Variants in TXNRD3 observed in about 807,000 individuals in gnomAD.
TXNRD3 encodes the protein TXNRD3 neighbor gene protein.
Under a neutral mutation model 78.2 loss-of-function variants are expected in TXNRD3, and 68 were observed. The ratio of observed to expected loss-of-function variants is 0.87; its 90% CI spans 0.72 to 1.06. The LOEUF is 1.06. Ranked by LOEUF, TXNRD3 falls within the 50% of genes least tolerant of loss-of-function variation. The probability of loss-of-function intolerance (pLI) is 0.00; values close to 1 mark genes in which losing one functional copy is unlikely to be tolerated. For missense variants in TXNRD3, 751 were observed against 809.5 expected (o/e 0.93, Z 0.88); for synonymous variants, 296 against 300.1 (o/e 0.99, Z 0.14).
At chr3:126,651,262 A>G (rs1003177041) in intron 1 of TXNRD3, among the ~76,000 whole-genome samples, 1 of 152,212 alleles carries the variant, frequency 6.6e-6, no homozygotes, top group African/African-American at 2.4e-5. Flanking sequence ...ACTTGGCGAA[A>G]GTACGGGAAG....
chr3:126,621,095 C>T (rs1372798252), intron 12 of TXNRD3, among the ~76,000 whole-genome samples: 1 of 152,182 alleles, frequency 6.6e-6, no homozygotes, highest in African/African-American at 2.4e-5. Context: ...TATCTGCCCA[C>T]CTGAAAAGTC....
At chr3:126,625,822 G>A (rs1303406358) in intron 10 of TXNRD3, 4 of 152,186 alleles carry the variant, frequency 2.6e-5, no homozygotes, top group Non-Finnish European at 2.9e-5. Context: ...CCTGTTTCCT[G>A]ACTTTTTAAT....
rs537107963 is a variant in TXNRD3 at position 126,639,720 on chromosome 3, G to C, written c.712+2312C>G. Among the ~76,000 whole-genome samples, 234 of 152,164 alleles carry C rather than the reference G, an allele frequency of 1.5e-3. 3 individuals are homozygous for C. Among genetic ancestry groups the C allele is most frequent in the Non-Finnish European group, 4.4e-4 (30 of 67,994 alleles). On this transcript the variant is annotated intron_variant, in intron 6 of 15. Coordinates refer to ENST00000524230, the MANE Select transcript of TXNRD3 (RefSeq NM_052883.3). ...CGAGTAGCTAGGACTACAGGTGCAT[G>C]CCACCATGCCTGCCTAATTTTTCTA...
At chr3:126,648,524 G>C (rs1933294772) in intron 1 of TXNRD3, among the ~76,000 whole-genome samples, 1 of 152,142 alleles carries the variant, frequency 6.6e-6, no homozygotes, top group South Asian at 2.1e-4. Flanking sequence ...AGACCAGAAA[G>C]GACAGAAATA....
rs1204379150 is a variant in TXNRD3, at chr3:126,642,177, C to G, written c.593-26G>C. Reference sequence around the variant, plus strand: ...CTGAGGAAGAAAATAAGTTTTAATGCTTCTTTGTGTGTCTAGTTTCACACA... The same window carrying G: ...CTGAGGAAGAAAATAAGTTTTAATGGTTCTTTGTGTGTCTAGTTTCACACA... On this transcript the variant is annotated intron_variant, in intron 5 of 15. Transcript: ENST00000524230. 2.6e-6 allele frequency: 4 copies of G among 1,521,356 alleles called. No homozygotes were observed. The Admixed American group carries it at 8.5e-5, about 32-fold the overall frequency. The allele number at this position is 1,521,356 out of a possible 1,614,324, so 94.2% of individuals were successfully genotyped here.
intron 12 of TXNRD3, among the ~76,000 whole-genome samples, chr3:126,621,125 A>C (rs1483237016): frequency 6.6e-6 from 1 of 152,188 alleles, no homozygotes; most frequent in Non-Finnish European, 1.5e-5. Context: ...CTCAATTTTG[A>C]ATTACTCATC....
At chr3:126,651,836 G>A (rs572546871) in intron 1 of TXNRD3, among the ~76,000 whole-genome samples, 9 of 152,110 alleles carry the variant, frequency 5.9e-5, no homozygotes, top group East Asian at 1.9e-4. Flanking sequence ...CCAAGTAGAC[G>A]TCAAGAATGT....
intron 7 of TXNRD3, among the ~76,000 whole-genome samples, chr3:126,633,550 T>C (rs561084014): frequency 1.3e-5 from 2 of 152,206 alleles, no homozygotes; most frequent in Non-Finnish European, 2.9e-5. Context: ...TAATATAATA[T>C]TGGAGTTCTA....
chr3:126,655,110 C>A lies in TXNRD3; in HGVS notation c.-120G>T, dbSNP rs930085681. ...CTGCCCTCGCTGGCCACTCTCACCACCCGCGCGAATCCGCGAGGCAGCCGC... is the reference window on the plus strand; with the variant it reads ...CTGCCCTCGCTGGCCACTCTCACCAACCGCGCGAATCCGCGAGGCAGCCGC... On this transcript the variant is annotated 5_prime_UTR_variant, in exon 1 of 16. Coordinates refer to ENST00000524230, the MANE Select transcript of TXNRD3 (RefSeq NM_052883.3). The A allele has an allele frequency of 7.7e-7, 1 of 1,296,134 alleles. No individual in the cohort carries two copies. Among genetic ancestry groups the A allele is most frequent in the Non-Finnish European group, 9.8e-7 (1 of 1,020,684 alleles). 80.3% of individuals were successfully genotyped at this position (1,296,134 alleles called of 1,614,324 possible). A position where few individuals can be genotyped will look rare whatever the true frequency, so the allele number is the denominator to read the frequency against.
intron 10 of TXNRD3, among the ~76,000 whole-genome samples, chr3:126,626,717 CTGTT>C (rs919173396): frequency 1.3e-5 from 2 of 152,196 alleles, no homozygotes; most frequent in African/African-American, 2.4e-5. Context: ...CATTGGGAAA[CTGTT>C]TGGTAGTTTC....
At chr3:126,624,311 AT>A (rs2107615620) in intron 10 of TXNRD3, among the ~76,000 whole-genome samples, 1 of 152,208 alleles carries the variant, frequency 6.6e-6, no homozygotes, top group Non-Finnish European at 1.5e-5. Context: ...ACTCTACCTG[AT>A]CTAAGACTTA....
intron 10 of TXNRD3, among the ~76,000 whole-genome samples, chr3:126,628,905 C>A (rs751865504): frequency 6.6e-6 from 1 of 151,998 alleles, no homozygotes. Flanking sequence ...GTATATAAAA[C>A]ATAAATGTAT....
Position 126,621,668 on chromosome 3 carries a change from A to G in TXNRD3, c.1524+74T>C, listed in dbSNP as rs139783710. 4.4e-5 allele frequency: 60 copies of G among 1,351,748 alleles called. No individual in the cohort carries two copies. The East Asian group carries it at 1.5e-3, about 34-fold the overall frequency. 83.7% of individuals were successfully genotyped at this position (1,351,748 alleles called of 1,614,324 possible). The stretch of plus-strand genomic sequence containing the variant: ...CCCTTTACTTGGAAAACAGGCACAC[A>G]AGTTTTACTTGTATTAGTTTTAAAA... On this transcript the variant is annotated intron_variant, in intron 12 of 15. Transcript: ENST00000524230.
intron 2 of TXNRD3, 95 bp from the exon 3 acceptor site, chr3:126,646,315 T>TACATGG: frequency 1.1e-6 from 1 of 937,054 alleles, no homozygotes; most frequent in South Asian, 2.0e-5. Flanking sequence ...TGTTCACATG[T>TACATGG]ACATACTCAT....
chr3:126,636,999 T>C (rs1271381685), intron 6 of TXNRD3, among the ~76,000 whole-genome samples: 1 of 151,968 alleles, frequency 6.6e-6, no homozygotes, highest in African/African-American at 2.4e-5. Flanking sequence ...CTTCTTCCAA[T>C]GTGGCCGAGG....
At chr3:126,614,066 G>A (rs953419223) in intron 13 of TXNRD3, among the ~76,000 whole-genome samples, 1 of 152,138 alleles carries the variant, frequency 6.6e-6, no homozygotes, top group Non-Finnish European at 1.5e-5. Context: ...TAATGTGTGT[G>A]TTTGTGTCTT....
intron 12 of TXNRD3, among the ~76,000 whole-genome samples, chr3:126,618,960 A>T (rs1001930479): frequency 6.6e-6 from 1 of 152,134 alleles, no homozygotes; most frequent in Admixed American, 6.5e-5. Flanking sequence ...CAAGTATATG[A>T]AAAAATGCTT....
At chr3:126,612,478 TTTTG>T (rs765999070) in intron 13 of TXNRD3, among the ~76,000 whole-genome samples, 22 of 152,146 alleles carry the variant, frequency 1.4e-4, no homozygotes, top group Admixed American at 9.2e-4. Context: ...CAGGTTTGTT[TTTTG>T]TTTGTTTGTT....
intron 6 of TXNRD3, among the ~76,000 whole-genome samples, chr3:126,634,310 C>T (rs1938796814): frequency 6.6e-6 from 1 of 152,150 alleles, no homozygotes; most frequent in Admixed American, 6.5e-5. Flanking sequence ...AACTGGCCCT[C>T]ATATGGCAAC....
Sources: gnomAD v4.1 joint callset for allele counts (sites outside exome capture counted in the v4.1 genomes callset) on GRCh38, gnomAD v4.1.1 for gene constraint, MANE v1.5 for transcripts, NCBI Gene and HGNC (gene_info 2026-07-23, HGNC 2026-07-21) for gene names.